BRD8: variants seen among roughly 807,000 people sequenced by gnomAD.
BRD8 encodes bromodomain containing 8.
A neutral mutation model predicts 143.1 loss-of-function variants in BRD8; 67 were observed. The observed-to-expected ratio is 0.47, with a 90% CI of 0.38 to 0.57. The LOEUF (loss-of-function observed/expected upper bound fraction) is 0.57, where lower values mean the gene tolerates loss of function less well. Among genes scored for constraint, BRD8 ranks in the 20% least tolerant of loss-of-function variants. The pLI is 0.00. For synonymous variants in BRD8, 505 were observed against 517.1 expected (o/e 0.98, Z 0.32); for missense variants, 1,103 against 1,503.0 (o/e 0.73, Z 4.40).
At chr5:138,168,223 A>G (rs1040885055) in intron 8 of BRD8, 145 bp from the exon 9 acceptor site, 9 of 700,206 alleles carry the variant, frequency 1.3e-5, no homozygotes, top group African/African-American at 1.1e-4. Flanking sequence ...GGGAAACTCT[A>G]AACTATAATG....
At chr5:138,169,417 A>C in intron 7 of BRD8, 59 bp from the exon 8 acceptor site, 1 of 1,567,582 alleles carries the variant, frequency 6.4e-7, no homozygotes, top group Non-Finnish European at 8.7e-7. Context: ...GAAACTTGAC[A>C]CTAGTCTGCT....
At chr5:138,163,604 G>A (rs750710813) in intron 14 of BRD8, 2 of 1,436,742 alleles carry the variant, frequency 1.4e-6, no homozygotes, top group South Asian at 2.4e-5. Context: ...TAAGCTAAGA[G>A]GCGTTCCTTC....
chr5:138,175,745 C>A (rs189239323), intron 2 of BRD8, among the ~76,000 whole-genome samples: 2 of 147,902 alleles, frequency 1.4e-5, no homozygotes, highest in East Asian at 2.0e-4. Flanking sequence ...AAACCCCATC[C>A]CTACCAAAAA....
rs1753454672 is a variant in BRD8 at position 138,166,744 on chromosome 5, T to C, written c.788-17A>G. 4.0e-6 allele frequency: 6 copies of C among 1,484,852 alleles called. No homozygotes were observed. The highest frequency in any genetic ancestry group is 5.6e-6 in the Non-Finnish European group (6 of 1,064,826). 92.0% of individuals were successfully genotyped at this position (1,484,852 alleles called of 1,614,324 possible). On this transcript the variant is annotated splice_polypyrimidine_tract_variant and intron_variant, in intron 9 of 26. Coordinates refer to ENST00000254900, the MANE Select transcript of BRD8 (RefSeq NM_139199.2). Reference sequence around the variant, plus strand: ...TGGGAGCACCTAACATATAAAGAGGTACACAAAATGAAGTAAGAAGAAAGC... The same window carrying C: ...TGGGAGCACCTAACATATAAAGAGGCACACAAAATGAAGTAAGAAGAAAGC...
Position 138,178,507 on chromosome 5 carries a change from T to G in BRD8, c.19+89A>C. The G allele has an allele frequency of 3.2e-6, 4 of 1,241,786 alleles. No homozygotes were observed. The Admixed American group carries it at 5.0e-5, about 16-fold the overall frequency. The allele number at this position is 1,241,786 out of a possible 1,614,324, so 76.9% of individuals were successfully genotyped here. ...ACCCTGGGCTCTCAAGCAACCCACT[T>G]CTCCCACTCCCTAAGCGTGTAACAA... On this transcript the variant is annotated intron_variant, in intron 1 of 26. Transcript: ENST00000254900.
chr5:138,150,301 T>C (rs2151185102), intron 22 of BRD8, among the ~76,000 whole-genome samples: 1 of 151,982 alleles, frequency 6.6e-6, no homozygotes, highest in East Asian at 1.9e-4. Context: ...AGAGATGGTG[T>C]CTCCCTGTAT....
intron 20 of BRD8, among the ~76,000 whole-genome samples, chr5:138,153,676 T>TC (rs1752456721): frequency 1.1e-5 from 1 of 92,540 alleles, no homozygotes; most frequent in Non-Finnish European, 2.1e-5. Flanking sequence ...TTCTTTTCTT[T>TC]TTTTTTTTTT....
chr5:138,177,757 G>A (rs939292590), intron 1 of BRD8, 90 bp from the exon 2 acceptor site: 1 of 735,766 alleles, frequency 1.4e-6, no homozygotes, highest in Non-Finnish European at 2.3e-6. Context: ...AGGACTAAAA[G>A]CCTAATACAA....
rs781158975 is a variant in BRD8 at position 138,165,818 on chromosome 5, G to C, written c.1278+10C>G. On this transcript the variant is annotated intron_variant, in intron 11 of 26. Transcript: ENST00000254900. ...CCATGAGATTCTCTGGGGCTTCGCT[G>C]AATAGTTACCTTGTCCTCAATGATG... 6 of 1,609,854 alleles carry C rather than the reference G, an allele frequency of 3.7e-6. No individual in the cohort carries two copies. The African/African-American group carries it at 6.7e-5, about 18-fold the overall frequency.
At chr5:138,164,473 C>A in intron 12 of BRD8, 60 bp from the exon 13 acceptor site, 1 of 1,501,820 alleles carries the variant, frequency 6.7e-7, no homozygotes, top group Non-Finnish European at 9.2e-7. Flanking sequence ...GCTCACACAA[C>A]TTTATTCTTC....
Position 138,149,651 on chromosome 5 carries a change from G to A in BRD8, c.3267C>T (p.Thr1089=), listed in dbSNP as rs1004323197. ...AAGTCTACGCTTACAGCTTTGAGGA[G>A]GTAGCATGGCTGAAAAGTGTATCCA... ...PLVDTLFSHA[T]SSKLTDLSQD... The change falls in exon 23 of 27, where the codon ACC becomes ACT. Residue 1089 remains threonine, a synonymous_variant. Coordinates refer to ENST00000254900, the MANE Select transcript of BRD8 (RefSeq NM_139199.2). The A allele has an allele frequency of 1.2e-6, 2 of 1,606,414 alleles. No individual in the cohort carries two copies. The highest frequency in any genetic ancestry group is 1.7e-5 in the Admixed American group (1 of 58,376).
rs1488690060 is a variant in BRD8, at chr5:138,172,148, A to T, written c.117-14T>A. 6.2e-7 allele frequency: 1 copy of T among 1,608,436 alleles called. No homozygotes were observed. The highest frequency in any genetic ancestry group is 1.1e-5 in the South Asian group (1 of 90,884). ...CTAACTGATACCCTACAAAATGAGGAAAGCTTTATTACACACCAAGCAGAA... is the reference window on the plus strand; with the variant it reads ...CTAACTGATACCCTACAAAATGAGGTAAGCTTTATTACACACCAAGCAGAA... On this transcript the variant is annotated splice_polypyrimidine_tract_variant and intron_variant, in intron 2 of 26. Transcript: ENST00000254900.
In BRD8 at chr5:138,169,320, T is replaced by C; in HGVS notation, c.544A>G (p.Thr182Ala). ...AVKTPPRRLP[T>A]VMVRSPIDSA... The stretch of plus-strand genomic sequence containing the variant: ...TCTATAGGAGAGCGAACCATCACAG[T>C]GGGTAACCTCCGGGGGGGTGTTTTT... The change falls in exon 8 of 27, where the codon ACT (threonine) becomes GCT (alanine). Residue 182 changes from threonine (T) to alanine (A), a missense_variant. Around this residue, in one of 7 missense-constraint regions of BRD8, gnomAD observed 334 missense variants for 372.5 expected, o/e 0.90. Coordinates refer to ENST00000254900, the MANE Select transcript of BRD8 (RefSeq NM_139199.2). The C allele has an allele frequency of 6.2e-7, 1 of 1,614,026 alleles. No homozygotes were observed. Among genetic ancestry groups the C allele is most frequent in the South Asian group, 1.1e-5 (1 of 91,082 alleles).
rs905075595 is a variant in BRD8 at position 138,165,040 on chromosome 5, T to G, written c.1405A>C (p.Lys469Gln). 1 of 1,614,030 alleles carries G rather than the reference T, an allele frequency of 6.2e-7. No homozygotes were observed. The highest frequency in any genetic ancestry group is 8.5e-7 in the Non-Finnish European group (1 of 1,180,018). Residue 469 changes from lysine (K) to glutamine (Q), a missense_variant, in exon 12 of 27, where the codon AAG (lysine) becomes CAG (glutamine). This residue lies in a region of BRD8 where 53 missense variants were observed against 101.4 expected (regional missense o/e 0.52). Coordinates refer to ENST00000254900, the MANE Select transcript of BRD8 (RefSeq NM_139199.2). ...TCTGGTGCAGGGAGAGGTACTGGCT[T>G]GTCCCGCTCCTGCTGGATAGGATGC... The part of the protein sequence containing the change: ...WEHPIQQERD[K>Q]PVPLPAPEMT...
At chr5:138,145,734 TATG>T in intron 24 of BRD8, 52 bp downstream of exon 24, 1 of 1,446,766 alleles carries the variant, frequency 6.9e-7, no homozygotes, top group Non-Finnish European at 9.7e-7. Context: ...TAAACCCCAA[TATG>T]TATTACTGCT....
At chr5:138,174,549 T>C (rs1754159165) in intron 2 of BRD8, among the ~76,000 whole-genome samples, 2 of 151,106 alleles carry the variant, frequency 1.3e-5, no homozygotes, top group South Asian at 2.1e-4. Context: ...TGAGCCAAGA[T>C]TGCACCACTG....
chr5:138,157,724 G>A (rs1276820858), intron 20 of BRD8: 1 of 157,962 alleles, frequency 6.3e-6, no homozygotes, highest in Non-Finnish European at 1.4e-5. Context: ...CCTGACAGTG[G>A]TTTTCCATGA....
rs538278146 is a variant in BRD8, at chr5:138,146,235, T to G, written c.3279-357A>C. ...ACCACACCCAACTAATTTTTGTATTTTCCATAGAGACGGGGTTTTGCCATG... is the reference window on the plus strand; with the variant it reads ...ACCACACCCAACTAATTTTTGTATTGTCCATAGAGACGGGGTTTTGCCATG... On this transcript the variant is annotated intron_variant, in intron 23 of 26. Coordinates refer to ENST00000254900, the MANE Select transcript of BRD8 (RefSeq NM_139199.2). Among the ~76,000 whole-genome samples, 5 of 151,784 alleles carry G rather than the reference T, an allele frequency of 3.3e-5. No individual in the cohort carries two copies. The South Asian group carries it at 1.0e-3, about 32-fold the overall frequency.
In BRD8 at chr5:138,159,607, A is replaced by G; in HGVS notation, c.2533-8T>C. 1 of 1,613,918 alleles carries G rather than the reference A, an allele frequency of 6.2e-7. No individual in the cohort carries two copies. The highest frequency in any genetic ancestry group is 1.1e-5 in the South Asian group (1 of 91,056). On this transcript the variant is annotated splice_region_variant and splice_polypyrimidine_tract_variant and intron_variant, in intron 19 of 26. Coordinates refer to ENST00000254900, the MANE Select transcript of BRD8 (RefSeq NM_139199.2). The stretch of plus-strand genomic sequence containing the variant: ...GCCCATTGGGACACTGTCCTGTTAG[A>G]GGACAAACAAACACTGATCAGGTTC...
Sources: gnomAD v4.1 joint callset for allele counts (sites outside exome capture counted in the v4.1 genomes callset) on GRCh38, gnomAD v4.1.1 for gene constraint, gnomAD v4.1.1 regional missense constraint, MANE v1.5 for transcripts, NCBI Gene and HGNC (gene_info 2026-07-23, HGNC 2026-07-21) for gene names.